RMDN1: variants seen among roughly 807,000 people sequenced by gnomAD.
RMDN1 encodes regulator of microtubule dynamics protein 1.
RMDN1 carries 48 observed loss-of-function variants against 48.9 expected under a neutral mutation model. That is an observed-to-expected ratio of 0.98 (90% CI 0.78 to 1.25). The LOEUF is 1.25. RMDN1 is among the 50% of genes most tolerant of loss of function. RMDN1 has a pLI of 0.00. For missense variants in RMDN1, 418 were observed against 373.4 expected, an observed-to-expected ratio of 1.12 and a Z score of -0.98; for synonymous variants, 148 against 132.6, an observed-to-expected ratio of 1.12 and a Z score of -0.80.
chr8:86,474,288 A>T lies in RMDN1; in HGVS notation c.*20T>A. ...AGGCAATGTTTATTAGCTATTTCAT[A>T]AATCTTCTCTGAAAAGTTCTCAATT... is the stretch of plus-strand genomic sequence containing the variant. On this transcript the variant is annotated 3_prime_UTR_variant, in exon 10 of 10. Transcript: ENST00000406452. 1 of 1,613,170 alleles carries T rather than the reference A, an allele frequency of 6.2e-7. No homozygotes were observed.
chr8:86,511,807 C>A (rs1427148023), upstream of RMDN1, among the ~76,000 whole-genome samples: 14 of 93,670 alleles, frequency 1.5e-4, no homozygotes, highest in Admixed American at 1.6e-3. Context: ...ACAGCAAGAA[C>A]CTGTCTCTCA....
chr8:86,488,795 A>G (rs890871896), intron 2 of RMDN1, among the ~76,000 whole-genome samples, 156 bp from the exon 3 acceptor site: 2 of 152,246 alleles, frequency 1.3e-5, no homozygotes, highest in African/African-American at 4.8e-5. Flanking sequence ...GGAAGAACCT[A>G]GATGGAAACA....
At chr8:86,469,537 C>A (rs1812378745), downstream of RMDN1, among the ~76,000 whole-genome samples, 1 of 152,126 alleles carries the variant, frequency 6.6e-6, no homozygotes, top group Admixed American at 6.5e-5. Context: ...AGAGGAGGTT[C>A]AAAATTGTCC....
downstream of RMDN1, among the ~76,000 whole-genome samples, chr8:86,471,045 G>C (rs529410772): frequency 5.9e-5 from 9 of 152,086 alleles, no homozygotes; most frequent in South Asian, 1.9e-3. Flanking sequence ...TAAATATAAG[G>C]TCTGTGGTCT....
In RMDN1 at chr8:86,498,010, C is replaced by A. The variant is rs149881405; in HGVS notation, c.247+8985G>T. On this transcript the variant is annotated intron_variant, in intron 2 of 9. Coordinates refer to ENST00000406452, the MANE Select transcript of RMDN1 (RefSeq NM_016033.3). ...ACTCGGGAGGCTGAGGCATGAGAGT[C>A]GCTTGAACCCGGGAGGTGGAGGCTG... Among the ~76,000 whole-genome samples, 470 of 151,062 alleles carry A rather than the reference C, an allele frequency of 3.1e-3. 2 individuals are homozygous for A. The highest frequency in any genetic ancestry group is 0.011 in the African/African-American group (449 of 41,166).
intron 8 of RMDN1, among the ~76,000 whole-genome samples, chr8:86,476,228 T>TA (rs917749796): frequency 4.5e-4 from 69 of 152,212 alleles, no homozygotes; most frequent in African/African-American, 1.2e-3. Flanking sequence ...TTAAATCTGT[T>TA]AAAAAAAGTC....
chr8:86,475,457 CTG>C (rs889496100), intron 8 of RMDN1, among the ~76,000 whole-genome samples: 4 of 151,722 alleles, frequency 2.6e-5, no homozygotes, highest in African/African-American at 9.7e-5. Context: ...AACAAAACCT[CTG>C]TTTTTTTCAA....
intron 5 of RMDN1, 68 bp from the exon 6 acceptor site, chr8:86,480,400 G>T: frequency 2.4e-6 from 2 of 820,162 alleles, no homozygotes; most frequent in South Asian, 2.2e-5. Context: ...TACTGTGTTT[G>T]CTGAAGAAGC....
intron 3 of RMDN1, among the ~76,000 whole-genome samples, 185 bp from the exon 4 acceptor site, chr8:86,486,828 T>A (rs1436478355): frequency 6.6e-6 from 1 of 152,212 alleles, no homozygotes; most frequent in East Asian, 1.9e-4. Flanking sequence ...TTGCTAAAAT[T>A]TCCTATAAAA....
At position 86,484,923 on chromosome 8, in the gene RMDN1, T is replaced by A; in HGVS notation, c.534A>T (p.Glu178Asp). 2 of 1,608,076 alleles carry A rather than the reference T, an allele frequency of 1.2e-6. No individual in the cohort carries two copies. Among genetic ancestry groups the A allele is most frequent in the South Asian group, 1.1e-5 (1 of 90,394 alleles). ...AICLSDVGDYEGIKAKIANAY... is the reference protein window; with the variant it reads ...AICLSDVGDYDGIKAKIANAY... ...CATTTGCAATTTTAGCCTTGATGCC[T>A]TCATAATCTCCAACATCACTAAGGC... Residue 178 changes from glutamate (E) to aspartate (D), a missense_variant, in exon 5 of 10, where the codon GAA becomes GAT. Transcript: ENST00000406452.
At chr8:86,508,826 A>C (rs1022507121), upstream of RMDN1, 17 of 1,274,674 alleles carry the variant, frequency 1.3e-5, no homozygotes, top group African/African-American at 2.2e-4. Flanking sequence ...ATTGGGTGGG[A>C]CTTAATGGAC....
At chr8:86,506,617 T>C (rs1379585223) in intron 2 of RMDN1, among the ~76,000 whole-genome samples, 4 of 152,212 alleles carry the variant, frequency 2.6e-5, no homozygotes, top group African/African-American at 9.7e-5. Context: ...GTTGCTCAAT[T>C]TCCCTTCCCC....
chr8:86,479,520 T>TGCATCTTTGACTAGGGTCTGAA (rs1366827429), intron 6 of RMDN1, among the ~76,000 whole-genome samples: 4 of 152,216 alleles, frequency 2.6e-5, no homozygotes, highest in Non-Finnish European at 5.9e-5. Context: ...AAGAAAGTGT[T>TGCATCTTTGACTAGGGTCTGAA]GCATCTTTGA....
chr8:86,486,117 T>C (rs1486492216), intron 4 of RMDN1, among the ~76,000 whole-genome samples: 1 of 152,136 alleles, frequency 6.6e-6, no homozygotes, highest in East Asian at 1.9e-4. Flanking sequence ...AACAGAAATA[T>C]AACGTAAGGA....
rs754845834 is a variant in RMDN1 at position 86,474,680 on chromosome 8, A to G, written c.894+140T>C. 30 of 872,310 alleles carry G rather than the reference A, an allele frequency of 3.4e-5. No homozygotes were observed. In the South Asian group the frequency reaches 4.0e-4, roughly 12 times the overall value. 54.0% of individuals were successfully genotyped at this position (872,310 alleles called of 1,614,324 possible). A position where few individuals can be genotyped will look rare whatever the true frequency, so the allele number is the denominator to read the frequency against. ...TTCCTATATAGAAATATAAATGTCA[A>G]TCAATTTACACTTGAAATGAACACA... On this transcript the variant is annotated intron_variant, in intron 9 of 9. Transcript: ENST00000406452.
chr8:86,489,187 C>A (rs182393419), intron 2 of RMDN1, among the ~76,000 whole-genome samples: 1 of 152,270 alleles, frequency 6.6e-6, no homozygotes, highest in Non-Finnish European at 1.5e-5. Context: ...TTAATAAATT[C>A]TCTTTATACA....
At chr8:86,479,689 G>T (rs1479775068) in intron 6 of RMDN1, among the ~76,000 whole-genome samples, 1 of 152,092 alleles carries the variant, frequency 6.6e-6, no homozygotes, top group African/African-American at 2.4e-5. Context: ...TCTTTTAAAA[G>T]AGTTTGATAC....
chr8:86,480,343 A>G lies in RMDN1; in HGVS notation c.586-11T>C. The G allele has an allele frequency of 6.9e-7, 1 of 1,453,168 alleles. No individual in the cohort carries two copies. The highest frequency in any genetic ancestry group is 9.4e-7 in the Non-Finnish European group (1 of 1,061,624). The allele number at this position is 1,453,168 out of a possible 1,614,324, so 90.0% of individuals were successfully genotyped here. A position where few individuals can be genotyped will look rare whatever the true frequency, so the allele number is the denominator to read the frequency against. On this transcript the variant is annotated splice_polypyrimidine_tract_variant and intron_variant, in intron 5 of 9. Coordinates refer to ENST00000406452, the MANE Select transcript of RMDN1 (RefSeq NM_016033.3). ...CAGTTCAATTGCTTTCTAACAAGAA[A>G]TGAGAAAAATAAATCATATTTGTTT...
At chr8:86,470,501 T>C, downstream of RMDN1, 1 of 1,079,962 alleles carries the variant, frequency 9.3e-7, no homozygotes, top group Non-Finnish European at 1.2e-6. Context: ...CCTCAGAGAG[T>C]AAAGGGGAAA....
Sources: allele counts gnomAD v4.1 joint callset (sites outside exome capture counted in the v4.1 genomes callset), GRCh38; gene constraint gnomAD v4.1.1; transcripts MANE v1.5; gene names NCBI Gene and HGNC (gene_info 2026-07-23, HGNC 2026-07-21).